The following PARD3B variants were observed in gnomAD, a reference collection of about 807,000 sequenced individuals.
PARD3B encodes partitioning defective 3 homolog B.
PARD3B carries 103 observed loss-of-function variants against 130.2 expected under a neutral mutation model. The ratio of observed to expected loss-of-function variants is 0.79; its 90% CI spans 0.67 to 0.93. The LOEUF (loss-of-function observed/expected upper bound fraction) is 0.93. PARD3B is among the 40% of genes least tolerant of loss of function. The pLI is 0.00. For missense variants in PARD3B, 1,609 were observed against 1,499.2 expected, an observed-to-expected ratio of 1.07 and a Z score of -1.21; for synonymous variants, 583 against 553.2, an observed-to-expected ratio of 1.05 and a Z score of -0.76.
intron 3 of PARD3B, among the ~76,000 whole-genome samples, chr2:205,000,102 G>A (rs1414328357): frequency 1.3e-5 from 2 of 151,832 alleles, no homozygotes; most frequent in Non-Finnish European, 2.9e-5. Context: ...CAGCTTTGTG[G>A]CCTACTCCTG....
rs569033007 is a variant in PARD3B, at chr2:204,590,115, C to G, written c.120+43996C>G. Among the ~76,000 whole-genome samples the G allele has an allele frequency of 6.6e-5, 10 of 152,246 alleles. 1 individual carries two copies. In the South Asian group the frequency reaches 2.1e-3, roughly 32 times the overall value. ...TATCACAATTCTGAAGGCTGAAAAG[C>G]TTAAGATCAAGGTGGGGGCAGACCC... On this transcript the variant is annotated intron_variant, in intron 1 of 22. Coordinates refer to ENST00000406610, the MANE Select transcript of PARD3B (RefSeq NM_001302769.2).
chr2:205,182,637 G>T (rs1184419106), intron 13 of PARD3B, among the ~76,000 whole-genome samples: 1 of 152,140 alleles, frequency 6.6e-6, no homozygotes, highest in African/African-American at 2.4e-5. Context: ...TGCAAAAGTG[G>T]CATTTGATAA....
chr2:204,848,397 T>C (rs2044555831), intron 2 of PARD3B, among the ~76,000 whole-genome samples: 1 of 152,148 alleles, frequency 6.6e-6, no homozygotes, highest in South Asian at 2.1e-4. Context: ...ATTACTGCAC[T>C]GTTTTCTGGC....
intron 1 of PARD3B, among the ~76,000 whole-genome samples, chr2:204,584,864 T>C (rs900273987): frequency 6.6e-6 from 1 of 152,164 alleles, no homozygotes; most frequent in Non-Finnish European, 1.5e-5. Context: ...AGACAGGGCA[T>C]TGTCGACACA....
At chr2:205,034,853 T>G (rs1697689068) in intron 3 of PARD3B, among the ~76,000 whole-genome samples, 1 of 152,090 alleles carries the variant, frequency 6.6e-6, no homozygotes, top group South Asian at 2.1e-4. Context: ...ATGTGTTCTT[T>G]TTTTGTTGTT....
At chr2:205,387,547 G>A (rs1376532483) in intron 18 of PARD3B, among the ~76,000 whole-genome samples, 1 of 152,182 alleles carries the variant, frequency 6.6e-6, no homozygotes, top group African/African-American at 2.4e-5. Context: ...GTCCTGGAGA[G>A]TGTTAGGGTT....
At chr2:204,874,743 T>C (rs1189740352) in intron 2 of PARD3B, among the ~76,000 whole-genome samples, 1 of 152,210 alleles carries the variant, frequency 6.6e-6, no homozygotes, top group Admixed American at 6.5e-5. Context: ...TTCCAATTAG[T>C]TCTTCCCCAC....
chr2:205,573,601 G>A (rs1055422336), intron 22 of PARD3B, among the ~76,000 whole-genome samples: 2 of 152,148 alleles, frequency 1.3e-5, no homozygotes, highest in African/African-American at 4.8e-5. Flanking sequence ...AGAGTATTTT[G>A]CTTTGTTTGA....
chr2:205,493,243 C>G (rs1425767709), intron 20 of PARD3B, among the ~76,000 whole-genome samples: 1 of 152,060 alleles, frequency 6.6e-6, no homozygotes, highest in East Asian at 1.9e-4. Flanking sequence ...TAAGACAGAA[C>G]TATGGTACTG....
rs532979200 is a variant in PARD3B, at chr2:205,351,541, A to G, written c.2631-49472A>G. Among the ~76,000 whole-genome samples the G allele has an allele frequency of 6.6e-6, 1 of 152,308 alleles. No individual in the cohort carries two copies. Among genetic ancestry groups the G allele is most frequent in the Non-Finnish European group, 1.5e-5 (1 of 68,040 alleles). On this transcript the variant is annotated intron_variant, in intron 18 of 22. Transcript: ENST00000406610. The surrounding 1 kb of genome is among the most constrained non-coding windows in gnomAD (Gnocchi z 4.2). ...AGAGGCGAGGAAGAAAGCCACAGCC[A>G]AGACTTGGGAGATTTCAGGAAATAA...
intron 11 of PARD3B, among the ~76,000 whole-genome samples, chr2:205,169,526 T>G (rs965605034): frequency 4.6e-5 from 7 of 152,244 alleles, no homozygotes; most frequent in Non-Finnish European, 7.3e-5. Flanking sequence ...TGTCTCATAC[T>G]TCACAGAAAA....
intron 3 of PARD3B, among the ~76,000 whole-genome samples, chr2:204,985,392 G>A (rs1027695545): frequency 5.3e-4 from 80 of 152,172 alleles, no homozygotes; most frequent in Non-Finnish European, 1.1e-3. Flanking sequence ...TCAAAGGGGA[G>A]AATGTCTTCT....
intron 2 of PARD3B, among the ~76,000 whole-genome samples, chr2:204,913,289 G>T (rs137959648): frequency 8.0e-4 from 122 of 152,162 alleles, no homozygotes; most frequent in Non-Finnish European, 1.5e-3. Context: ...GGTGATTCTG[G>T]GCTCCAGAAT....
At chr2:205,415,629 C>G (rs2046747617) in intron 19 of PARD3B, among the ~76,000 whole-genome samples, 1 of 152,138 alleles carries the variant, frequency 6.6e-6, no homozygotes, top group East Asian at 1.9e-4. Flanking sequence ...GCTAGTTGTG[C>G]AATCCTCATT....
chr2:205,223,658 T>TG (rs2038364150), intron 15 of PARD3B, among the ~76,000 whole-genome samples: 1 of 152,170 alleles, frequency 6.6e-6, no homozygotes, highest in Non-Finnish European at 1.5e-5. Flanking sequence ...AAATAAAACT[T>TG]GCCTGTTCTC....
intron 1 of PARD3B, among the ~76,000 whole-genome samples, chr2:204,594,670 C>A (rs1385510617): frequency 1.3e-5 from 2 of 152,196 alleles, no homozygotes; most frequent in East Asian, 3.8e-4. Flanking sequence ...AGTCCTGTGA[C>A]TATGCTTCTG....
chr2:205,462,173 A>G (rs2048474193), intron 20 of PARD3B, among the ~76,000 whole-genome samples: 1 of 152,214 alleles, frequency 6.6e-6, no homozygotes, highest in Admixed American at 6.5e-5. Context: ...TTCTGGGAGA[A>G]TAAATTATTG....
chr2:205,485,290 A>T (rs931461582), intron 20 of PARD3B, among the ~76,000 whole-genome samples: 1 of 152,148 alleles, frequency 6.6e-6, no homozygotes, highest in African/African-American at 2.4e-5. Context: ...TCACCAGATG[A>T]TGTTACTAGT....
chr2:204,562,578 T>C (rs1314877093), intron 1 of PARD3B, among the ~76,000 whole-genome samples: 1 of 152,242 alleles, frequency 6.6e-6, no homozygotes, highest in African/African-American at 2.4e-5. Context: ...GAAAGAGTTT[T>C]ACTTGTCATC....
Sources: allele counts gnomAD v4.1 joint callset (sites outside exome capture counted in the v4.1 genomes callset), GRCh38; gene constraint gnomAD v4.1.1; non-coding constraint Gnocchi (gnomAD v3.1); transcripts MANE v1.5; gene names NCBI Gene and HGNC (gene_info 2026-07-23, HGNC 2026-07-21).